SMARCA4: variants seen among roughly 807,000 people sequenced by gnomAD.
SMARCA4 encodes the protein SWI/SNF-related matrix-associated actin-dependent regulator of chromatin subfamily A member 4.
A neutral mutation model predicts 193.9 loss-of-function variants in SMARCA4; 31 were observed. That is an observed-to-expected ratio of 0.16 (90% confidence interval 0.12 to 0.22). The LOEUF is 0.22. Among genes scored for constraint, SMARCA4 ranks in the 10% least tolerant of loss-of-function variants. The pLI is 1.00. For missense variants in SMARCA4, 1,148 were observed against 2,296.0 expected (o/e 0.50, Z 10.22); for synonymous variants, 942 against 933.1 (o/e 1.01, Z -0.17).
At position 11,041,269 on chromosome 19, in the gene SMARCA4, G is replaced by C. The variant is rs1435052385; in HGVS notation, c.4171-38G>C. ...TCGCGGCCTCTGCTTGTCGACCTGGGTGCTGGCTGTCCTATTTTACTACTA... is the reference window on the plus strand; with the variant it reads ...TCGCGGCCTCTGCTTGTCGACCTGGCTGCTGGCTGTCCTATTTTACTACTA... On this transcript the variant is annotated intron_variant, in intron 29 of 34. Coordinates refer to ENST00000344626, the MANE Select transcript of SMARCA4 (RefSeq NM_003072.5). The surrounding 1 kb of genome is among the most constrained non-coding windows in gnomAD (Gnocchi z 5.6). 6.3e-7 allele frequency: 1 copy of C among 1,579,010 alleles called. No individual in the cohort carries two copies. The highest frequency in any genetic ancestry group is 1.7e-5 in the Admixed American group (1 of 58,434).
rs372313516 is a variant in SMARCA4 at position 10,984,259 on chromosome 19, G to T, written c.108G>T (p.Pro36=). 6.2e-7 allele frequency: 1 copy of T among 1,611,698 alleles called. No individual in the cohort carries two copies. Among genetic ancestry groups the T allele is most frequent in the Non-Finnish European group, 8.5e-7 (1 of 1,179,328 alleles). The change falls in exon 2 of 35, where the codon CCG becomes CCT. Residue 36 remains proline (P), a synonymous_variant. Transcript: ENST00000344626. The surrounding 1 kb of genome is among the most constrained non-coding windows in gnomAD (Gnocchi z 4.3). ...AMLGPSPGPS[P]GSAHSMMGPS... is the part of the protein sequence containing the mutation. ...TGGGCCCTAGCCCGGGTCCCTCGCC[G>T]GGCTCCGCCCACAGCATGATGGGGC...
rs547563547 is a variant in SMARCA4 at position 10,981,785 on chromosome 19, AC to A, written c.-31-2334del. The stretch of plus-strand genomic sequence containing the variant: ...GAGCCAGGATCAACAAGTGTTTGAG[AC>A]CAGCCTGGGCAACATAGAGAGACCC... On this transcript the variant is annotated intron_variant, in intron 1 of 34. Transcript: ENST00000344626. Among the ~76,000 whole-genome samples, 27 of 152,102 alleles carry A rather than the reference AC, an allele frequency of 1.8e-4. No homozygotes were observed. In the South Asian group the frequency reaches 5.2e-3, roughly 29 times the overall value.
chr19:10,973,550 G>T (rs925660850), intron 1 of SMARCA4, among the ~76,000 whole-genome samples: 1 of 149,104 alleles, frequency 6.7e-6, no homozygotes, highest in Non-Finnish European at 1.5e-5. Context: ...ACAGGCCCCC[G>T]CCACCACGCC....
intron 1 of SMARCA4, among the ~76,000 whole-genome samples, chr19:10,968,255 T>G (rs561384280): frequency 6.6e-6 from 1 of 152,232 alleles, no homozygotes; most frequent in South Asian, 2.1e-4. Context: ...TCCAAACTGC[T>G]GAGATTACAG....
Position 10,992,456 on chromosome 19 carries a change from C to T in SMARCA4, c.1419+1133C>T, listed in dbSNP as rs12460169. Among the ~76,000 whole-genome samples, 426 of 142,638 alleles carry T rather than the reference C, an allele frequency of 3.0e-3. 5 individuals are homozygous for T. The highest frequency in any genetic ancestry group is 0.025 in the Admixed American group (353 of 14,160). The allele number at this position is 142,638 out of a possible 152,430, so 93.6% of individuals were successfully genotyped here. On this transcript the variant is annotated intron_variant, in intron 8 of 34. Coordinates refer to ENST00000344626, the MANE Select transcript of SMARCA4 (RefSeq NM_003072.5). ...TTTTTTTTTTTGAGATGGAGTTTCA[C>T]TCTTGTCACCCGGACTGGAGTGCAA...
At chr19:11,013,248 C>G in intron 16 of SMARCA4, 136 bp downstream of exon 16, 1 of 969,876 alleles carries the variant, frequency 1.0e-6, no homozygotes, top group South Asian at 1.4e-5. Flanking sequence ...GCCAGAAGTC[C>G]AGGGTCAAGG....
At chr19:11,000,207 G>A (rs1192609327) in intron 11 of SMARCA4, among the ~76,000 whole-genome samples, 1 of 148,838 alleles carries the variant, frequency 6.7e-6, no homozygotes, top group Admixed American at 6.7e-5. Context: ...CAGCCTGGGT[G>A]ACAGAGTGAG....
intron 24 of SMARCA4, among the ~76,000 whole-genome samples, chr19:11,029,591 C>T (rs1407607153): frequency 2.0e-5 from 3 of 152,224 alleles, no homozygotes; most frequent in Admixed American, 6.5e-5. Context: ...GAGGGTGGGA[C>T]GGCAGGTGGA....
chr19:11,037,538 C>T (rs891334802), intron 29 of SMARCA4, among the ~76,000 whole-genome samples: 31 of 152,304 alleles, frequency 2.0e-4, no homozygotes, highest in African/African-American at 7.0e-4. Flanking sequence ...AAGTTATTTA[C>T]AAGTGCCTTA....
At chr19:11,023,751 G>A (rs1418250628) in intron 20 of SMARCA4, 120 bp downstream of exon 20, 2 of 725,502 alleles carry the variant, frequency 2.8e-6, no homozygotes, top group African/African-American at 1.7e-5. Flanking sequence ...AATCCAGCTT[G>A]GGGGTGGCGA....
intron 11 of SMARCA4, among the ~76,000 whole-genome samples, chr19:10,997,227 CT>C (rs1263801785): frequency 1.3e-5 from 2 of 151,856 alleles, no homozygotes; most frequent in African/African-American, 4.8e-5. Context: ...TAGACGGAGT[CT>C]CGTTCTGTCA....
intron 9 of SMARCA4, 132 bp downstream of exon 9, chr19:10,995,133 G>A (rs1215941736): frequency 7.2e-6 from 6 of 831,146 alleles, no homozygotes; most frequent in African/African-American, 5.0e-5. Context: ...AGGGAAAAGA[G>A]CAGGCGCGGG....
In SMARCA4 at chr19:11,041,897, G is replaced by A. The variant is rs1210542999; in HGVS notation, c.4424+337G>A. On this transcript the variant is annotated intron_variant, in intron 30 of 34. Coordinates refer to ENST00000344626, the MANE Select transcript of SMARCA4 (RefSeq NM_003072.5). The surrounding 1 kb of genome is among the most constrained non-coding windows in gnomAD (Gnocchi z 5.6). ...CAGCAGAGGCCACAGCAGGCGGAGA[G>A]GCTCTGCCAAAGTTGTGGCCTGGTG... Among the ~76,000 whole-genome samples, 1 of 152,222 alleles carries A rather than the reference G, an allele frequency of 6.6e-6. No individual in the cohort carries two copies. Among genetic ancestry groups the A allele is most frequent in the Non-Finnish European group, 1.5e-5 (1 of 68,042 alleles).
chr19:10,985,825 G>A lies in SMARCA4; in HGVS notation c.356-364G>A, dbSNP rs991699009. ...TTCCAAGGCCTTGCTGTCATCAGGG[G>A]TGGGAAGCTCAGGGGCTGCACTGGG... On this transcript the variant is annotated intron_variant, in intron 3 of 34. Coordinates refer to ENST00000344626, the MANE Select transcript of SMARCA4 (RefSeq NM_003072.5). The surrounding 1 kb of genome is among the most constrained non-coding windows in gnomAD (Gnocchi z 4.5). Among the ~76,000 whole-genome samples, 1 of 152,204 alleles carries A rather than the reference G, an allele frequency of 6.6e-6. No individual in the cohort carries two copies. Among genetic ancestry groups the A allele is most frequent in the Non-Finnish European group, 1.5e-5 (1 of 68,032 alleles).
rs2146812365 is a variant in SMARCA4 at position 11,041,301 on chromosome 19, C to T, written c.4171-6C>T. 6.2e-7 allele frequency: 1 copy of T among 1,607,398 alleles called. No homozygotes were observed. The highest frequency in any genetic ancestry group is 1.1e-5 in the South Asian group (1 of 91,028). ...CTGTCCTATTTTACTACTATTGACC[C>T]TGAAGGCCATCGAGGAGGGCACGCT... On this transcript the variant is annotated splice_polypyrimidine_tract_variant and splice_region_variant and intron_variant, in intron 29 of 34. Transcript: ENST00000344626. The surrounding 1 kb of genome is among the most constrained non-coding windows in gnomAD (Gnocchi z 5.6).
At chr19:10,967,412 G>A (rs1037043193) in intron 1 of SMARCA4, among the ~76,000 whole-genome samples, 17 of 152,218 alleles carry the variant, frequency 1.1e-4, no homozygotes, top group Admixed American at 8.5e-4. Context: ...CCGGGTTCAC[G>A]CCATTCTCCT....
chr19:10,991,745 T>C (rs2086578294), intron 8 of SMARCA4, among the ~76,000 whole-genome samples: 1 of 152,166 alleles, frequency 6.6e-6, no homozygotes, highest in Non-Finnish European at 1.5e-5. Context: ...TGCCTGTGTT[T>C]TCTCTGGAAA....
Position 11,026,794 on chromosome 19 carries a change from C to T in SMARCA4, c.3215+448C>T, listed in dbSNP as rs149001291. Among the ~76,000 whole-genome samples, 582 of 152,248 alleles carry T rather than the reference C, an allele frequency of 3.8e-3. 3 individuals carry two copies. The highest frequency in any genetic ancestry group is 0.013 in the African/African-American group (548 of 41,554). On this transcript the variant is annotated intron_variant, in intron 23 of 34. Transcript: ENST00000344626. ...AATTACAGGTGTGAGCCACCGCGCC[C>T]GGCCCCATTATACAAATCTTTAGTG... is the stretch of plus-strand genomic sequence containing the variant.
chr19:11,049,433 G>T (rs138989525), intron 30 of SMARCA4, among the ~76,000 whole-genome samples: 1 of 151,978 alleles, frequency 6.6e-6, no homozygotes, highest in Admixed American at 6.6e-5. Context: ...GGTCAGGTTC[G>T]GGCTTGTGGG....
Sources: allele counts gnomAD v4.1 joint callset (sites outside exome capture counted in the v4.1 genomes callset), GRCh38; gene constraint gnomAD v4.1.1; non-coding constraint Gnocchi (gnomAD v3.1); transcripts MANE v1.5; gene names NCBI Gene and HGNC (gene_info 2026-07-23, HGNC 2026-07-21).